Variants in SP100 observed in about 807,000 individuals in gnomAD.
SP100 encodes nuclear autoantigen Sp-100.
In SP100, 84 loss-of-function variants were observed where a neutral mutation model predicts 130.0. The observed-to-expected ratio is 0.65, with a 90% CI of 0.54 to 0.77. SP100 has a LOEUF of 0.77. Among genes scored for constraint, SP100 ranks in the 30% least tolerant of loss-of-function variants. SP100 has a pLI of 0.00. For missense variants in SP100, 978 were observed against 1,052.2 expected (o/e 0.93, Z 0.97); for synonymous variants, 331 against 351.7 (o/e 0.94, Z 0.66).
At chr2:230,509,166 C>T (rs140098139) in intron 23 of SP100, 1 of 152,180 alleles carries the variant, frequency 6.6e-6, no homozygotes, top group Non-Finnish European at 1.5e-5. Flanking sequence ...GTTCATAGAC[C>T]AGTGGTCTTC....
At chr2:230,517,597 A>G (rs981244193) in intron 24 of SP100, among the ~76,000 whole-genome samples, 1 of 152,116 alleles carries the variant, frequency 6.6e-6, no homozygotes, top group African/African-American at 2.4e-5. Context: ...CTCTGTCTCT[A>G]CTAAAAATAC....
chr2:230,495,509 AG>A (rs1185029371), intron 18 of SP100, among the ~76,000 whole-genome samples: 1 of 152,054 alleles, frequency 6.6e-6, no homozygotes, highest in Non-Finnish European at 1.5e-5. Context: ...TAGTAAAGAC[AG>A]GGTTTCGCCA....
At chr2:230,451,305 T>G (rs1232732551) in intron 8 of SP100, among the ~76,000 whole-genome samples, 1 of 152,250 alleles carries the variant, frequency 6.6e-6, no homozygotes. Flanking sequence ...ACATTTGTTA[T>G]CTTTAGTCTT....
chr2:230,461,088 A>G (rs1245073807), intron 8 of SP100, among the ~76,000 whole-genome samples, 174 bp from the exon 9 acceptor site: 2 of 152,216 alleles, frequency 1.3e-5, no homozygotes, highest in East Asian at 3.9e-4. Context: ...GTAAAAAACA[A>G]AACAGAGCCA....
In SP100 at chr2:230,543,338, A is replaced by C. The variant is rs1266421121; in HGVS notation, c.*392A>C. ...CAGGAAGCAGAAAAAAATAAAGGGT[A>C]TCTAAATAGGCAAAGAGGAAGTCAA... On this transcript the variant is annotated 3_prime_UTR_variant, in exon 29 of 29. Transcript: ENST00000340126. 6.5e-6 allele frequency: 1 copy of C among 153,864 alleles called. No individual in the cohort carries two copies. Among genetic ancestry groups the C allele is most frequent in the Non-Finnish European group, 1.4e-5 (1 of 69,234 alleles). 9.5% of individuals were successfully genotyped at this position (153,864 alleles called of 1,614,324 possible). A position where few individuals can be genotyped will look rare whatever the true frequency, so the allele number is the denominator to read the frequency against.
intron 24 of SP100, 27 bp from the exon 25 acceptor site, chr2:230,539,240 C>T (rs781282783): frequency 9.1e-6 from 13 of 1,435,942 alleles, no homozygotes; most frequent in Middle Eastern, 1.8e-4. Context: ...TCACTGATCC[C>T]GGTGATGTCT....
intron 2 of SP100, among the ~76,000 whole-genome samples, chr2:230,420,073 C>A (rs1038606373): frequency 3.9e-5 from 6 of 152,156 alleles, no homozygotes; most frequent in Non-Finnish European, 7.4e-5. Flanking sequence ...CATAGTAAAT[C>A]TCTCCATTTA....
intron 23 of SP100, chr2:230,510,351 G>A (rs1159531831): frequency 6.5e-6 from 1 of 152,800 alleles, no homozygotes; most frequent in Non-Finnish European, 1.5e-5. Flanking sequence ...TGCAGAAAGG[G>A]TTAGAGTTAT....
chr2:230,511,765 G>C (rs538172374), intron 24 of SP100, among the ~76,000 whole-genome samples: 115 of 152,288 alleles, frequency 7.6e-4, no homozygotes, highest in African/African-American at 2.7e-3. Context: ...TCACCACTTG[G>C]CAACTGATGA....
intron 2 of SP100, among the ~76,000 whole-genome samples, chr2:230,435,696 C>A (rs1235464510): frequency 6.6e-6 from 1 of 152,110 alleles, no homozygotes; most frequent in Non-Finnish European, 1.5e-5. Flanking sequence ...ACTAGCTCTT[C>A]TTCCTGATCC....
At chr2:230,438,801 A>G (rs1320902686) in intron 2 of SP100, among the ~76,000 whole-genome samples, 6 of 151,830 alleles carry the variant, frequency 4.0e-5, no homozygotes, top group African/African-American at 1.2e-4. Context: ...CATTTTCTCA[A>G]TTGCTAATTG....
At chr2:230,525,213 C>T (rs180957214) in intron 24 of SP100, among the ~76,000 whole-genome samples, 265 of 152,204 alleles carry the variant, frequency 1.7e-3, no homozygotes, top group Non-Finnish European at 2.8e-3. Context: ...TCAACCATGT[C>T]ATAGATGGTC....
intron 19 of SP100, 86 bp downstream of exon 19, chr2:230,498,621 T>A (rs776154211): frequency 8.3e-5 from 58 of 696,210 alleles, no homozygotes; most frequent in Non-Finnish European, 1.2e-4. Flanking sequence ...AAATGCTTTA[T>A]GTAGCTGTAC....
At chr2:230,476,382 G>A (rs1233389033) in intron 17 of SP100, among the ~76,000 whole-genome samples, 1 of 152,076 alleles carries the variant, frequency 6.6e-6, no homozygotes, top group Non-Finnish European at 1.5e-5. Context: ...TTTATGCATC[G>A]ATTTTGTATT....
Position 230,545,584 on chromosome 2 carries a change from TA to T in SP100, c.*2646del, listed in dbSNP as rs1314651536. ...TTTTAATTGTAAATAAATGGATCAT[TA>T]AAAAAAATTTTAATAATAAAATTGT... is the stretch of plus-strand genomic sequence containing the variant. On this transcript the variant is annotated 3_prime_UTR_variant, in exon 29 of 29. Coordinates refer to ENST00000340126, the MANE Select transcript of SP100 (RefSeq NM_001080391.2). Among the ~76,000 whole-genome samples the T allele has an allele frequency of 1.3e-5, 2 of 152,030 alleles. No individual in the cohort carries two copies. The highest frequency in any genetic ancestry group is 2.4e-5 in the African/African-American group (1 of 41,374).
chr2:230,431,473 G>T (rs567314990), intron 2 of SP100, among the ~76,000 whole-genome samples: 91 of 152,248 alleles, frequency 6.0e-4, no homozygotes, highest in Admixed American at 5.4e-3. Flanking sequence ...CAGGTTTTGT[G>T]GTCCAAGGGA....
intron 6 of SP100, 145 bp from the exon 7 acceptor site, chr2:230,449,416 A>G (rs1160839335): frequency 1.1e-6 from 1 of 926,268 alleles, no homozygotes; most frequent in Non-Finnish European, 1.8e-6. Context: ...CTGCTTCACC[A>G]TTTTCTGCCT....
At chr2:230,461,880 C>T (rs562528743) in intron 9 of SP100, among the ~76,000 whole-genome samples, 50 of 151,034 alleles carry the variant, frequency 3.3e-4, no homozygotes, top group Non-Finnish European at 6.2e-4. Flanking sequence ...GCCTGGGATG[C>T]GGAAGTTGCA....
At chr2:230,503,837 TGA>T (rs1285813137) in intron 20 of SP100, among the ~76,000 whole-genome samples, 1 of 152,190 alleles carries the variant, frequency 6.6e-6, no homozygotes, top group Non-Finnish European at 1.5e-5. Flanking sequence ...GGCTAAAATT[TGA>T]GAGTTTGTTT....
Sources: gnomAD v4.1 joint callset for allele counts (sites outside exome capture counted in the v4.1 genomes callset) on GRCh38, gnomAD v4.1.1 for gene constraint, MANE v1.5 for transcripts, NCBI Gene and HGNC (gene_info 2026-07-23, HGNC 2026-07-21) for gene names.